Variants in EXOC4 observed in about 807,000 individuals in gnomAD.
The protein encoded by EXOC4 is exocyst complex component 4.
EXOC4 carries 71 observed loss-of-function variants against 107.2 expected under a neutral mutation model. That is an observed-to-expected ratio of 0.66 (90% CI 0.55 to 0.81). The LOEUF is 0.81. Among genes scored for constraint, EXOC4 ranks in the 30% least tolerant of loss-of-function variants. EXOC4 has a pLI of 0.00. For synonymous variants in EXOC4, 456 were observed against 441.2 expected (o/e 1.03, Z -0.42); for missense variants, 1,108 against 1,189.6 (o/e 0.93, Z 1.01).
intron 12 of EXOC4, among the ~76,000 whole-genome samples, chr7:133,916,420 G>A (rs752409344): frequency 6.6e-6 from 1 of 152,140 alleles, no homozygotes; most frequent in Non-Finnish European, 1.5e-5. Flanking sequence ...ATGAATCAAG[G>A]TTTGTAGGCT....
chr7:133,326,464 G>A (rs551203295), intron 5 of EXOC4, among the ~76,000 whole-genome samples: 53 of 152,276 alleles, frequency 3.5e-4, no homozygotes, highest in East Asian at 9.7e-4. Context: ...GGAGTTTGCC[G>A]GAGGTCTACT....
At chr7:133,610,127 C>A (rs1802043444) in intron 9 of EXOC4, among the ~76,000 whole-genome samples, 1 of 152,110 alleles carries the variant, frequency 6.6e-6, no homozygotes, top group African/African-American at 2.4e-5. Flanking sequence ...ATTTCCTTTC[C>A]ATGATCCTCC....
chr7:133,940,842 C>G (rs1246961352), intron 14 of EXOC4, among the ~76,000 whole-genome samples: 1 of 151,088 alleles, frequency 6.6e-6, no homozygotes, highest in Non-Finnish European at 1.5e-5. Flanking sequence ...AGTCTGGAGA[C>G]TAGAGAACAT....
intron 9 of EXOC4, among the ~76,000 whole-genome samples, chr7:133,628,599 T>C (rs9649590): frequency 0.98 from 149,452 of 152,282 alleles, 73,412 homozygotes; most frequent in Middle Eastern, 1. Flanking sequence ...GTAGAGTGTT[T>C]TTCCCAACAT....
Position 133,374,856 on chromosome 7 carries a change from T to A in EXOC4, c.1036T>A (p.Phe346Ile), listed in dbSNP as rs1465990320. 6.2e-7 allele frequency: 1 copy of A among 1,613,654 alleles called. No homozygotes were observed. Among genetic ancestry groups the A allele is most frequent in the East Asian group, 2.2e-5 (1 of 44,886 alleles). The stretch of plus-strand genomic sequence containing the variant: ...GCTTCTAGAACTGCTGGAGTTACTG[T>A]TTGACAAGTTTAATGCTGTAGCCGC... ...RLLLELLELL[F>I]DKFNAVAAAH... Residue 346 changes from phenylalanine to isoleucine, a missense_variant, in exon 7 of 18, where the codon TTT becomes ATT. Coordinates refer to ENST00000253861, the MANE Select transcript of EXOC4 (RefSeq NM_021807.4).
chr7:133,678,180 C>A (rs1264557112), intron 10 of EXOC4, among the ~76,000 whole-genome samples: 1 of 152,164 alleles, frequency 6.6e-6, no homozygotes, highest in Non-Finnish European at 1.5e-5. Context: ...CCACATGTAA[C>A]AAATTTGCTG....
intron 10 of EXOC4, among the ~76,000 whole-genome samples, chr7:133,790,246 A>G (rs1347010561): frequency 1.3e-5 from 2 of 152,256 alleles, no homozygotes; most frequent in African/African-American, 4.8e-5. Context: ...TAGGATGTAG[A>G]TGGGAAAGGA....
intron 5 of EXOC4, among the ~76,000 whole-genome samples, chr7:133,320,622 A>C (rs1461892914): frequency 6.6e-6 from 1 of 152,198 alleles, no homozygotes; most frequent in Non-Finnish European, 1.5e-5. Context: ...TAGGACATGA[A>C]TATCTTTGGG....
chr7:133,319,937 T>C (rs1795075943), intron 5 of EXOC4, among the ~76,000 whole-genome samples: 1 of 150,214 alleles, frequency 6.7e-6, no homozygotes, highest in Non-Finnish European at 1.5e-5. Flanking sequence ...GTTTAGTGCC[T>C]ACCATATGGT....
chr7:133,839,546 C>A (rs1173483428), intron 11 of EXOC4, among the ~76,000 whole-genome samples: 5 of 151,980 alleles, frequency 3.3e-5, no homozygotes, highest in African/African-American at 1.2e-4. Context: ...ATTTGCCTAC[C>A]AGTAATAGGG....
At chr7:133,367,348 G>C (rs1227154852) in intron 6 of EXOC4, among the ~76,000 whole-genome samples, 1 of 152,160 alleles carries the variant, frequency 6.6e-6, no homozygotes, top group Non-Finnish European at 1.5e-5. Context: ...GTGGAGGGTT[G>C]TGGAGCCAGT....
chr7:133,560,353 T>C (rs988396945), intron 9 of EXOC4, among the ~76,000 whole-genome samples: 1 of 152,154 alleles, frequency 6.6e-6, no homozygotes, highest in Non-Finnish European at 1.5e-5. Context: ...GGCGCAACCT[T>C]GGCTCACTGC....
At chr7:133,954,816 G>A (rs1454420931) in intron 14 of EXOC4, among the ~76,000 whole-genome samples, 1 of 152,256 alleles carries the variant, frequency 6.6e-6, no homozygotes, top group African/African-American at 2.4e-5. Context: ...TCCAGCCACT[G>A]CTCACAGCCA....
intron 11 of EXOC4, among the ~76,000 whole-genome samples, chr7:133,835,635 A>G (rs1797903556): frequency 2.0e-5 from 3 of 152,188 alleles, no homozygotes; most frequent in Admixed American, 6.5e-5. Flanking sequence ...GGGGGTCCCA[A>G]GATTTATTTT....
intron 3 of EXOC4, among the ~76,000 whole-genome samples, chr7:133,293,459 C>T (rs550231859): frequency 6.6e-6 from 1 of 152,326 alleles, no homozygotes; most frequent in South Asian, 2.1e-4. Flanking sequence ...TCAAAACCCC[C>T]TGATTTCCTT....
chr7:134,031,635 G>T (rs1299165548), intron 17 of EXOC4, among the ~76,000 whole-genome samples: 1 of 152,168 alleles, frequency 6.6e-6, no homozygotes, highest in Non-Finnish European at 1.5e-5. Flanking sequence ...CCTCCATCCA[G>T]CTGGAAGAAG....
At position 133,648,993 on chromosome 7, in the gene EXOC4, T is replaced by C. The variant is rs375577919; in HGVS notation, c.1514+18852T>C. Among the ~76,000 whole-genome samples, 17 of 152,330 alleles carry C rather than the reference T, an allele frequency of 1.1e-4. No individual in the cohort carries two copies. In the South Asian group the frequency reaches 3.5e-3, roughly 32 times the overall value. ...GGGATTAATTTTGTCGATGGTGGAT[T>C]GCACTGAAGCTTGAGTAGACTTTTT... On this transcript the variant is annotated intron_variant, in intron 10 of 17. Coordinates refer to ENST00000253861, the MANE Select transcript of EXOC4 (RefSeq NM_021807.4).
intron 12 of EXOC4, among the ~76,000 whole-genome samples, chr7:133,905,286 A>T (rs1463944049): frequency 6.6e-6 from 1 of 152,128 alleles, no homozygotes; most frequent in East Asian, 1.9e-4. Context: ...TGAGTACCTC[A>T]CTCTAGAGAC....
intron 7 of EXOC4, among the ~76,000 whole-genome samples, chr7:133,416,688 C>T (rs1163931796): frequency 6.6e-6 from 1 of 152,124 alleles, no homozygotes. Context: ...CCTCCACTAT[C>T]AGATATTTGA....
Sources: allele counts gnomAD v4.1 joint callset (sites outside exome capture counted in the v4.1 genomes callset), GRCh38; gene constraint gnomAD v4.1.1; transcripts MANE v1.5; gene names NCBI Gene and HGNC (gene_info 2026-07-23, HGNC 2026-07-21).